PNN: variants seen among roughly 807,000 people sequenced by gnomAD.
PNN encodes pinin, desmosome associated protein, also known as pinin.
In PNN, 38 loss-of-function variants were observed where a neutral mutation model predicts 76.6. The ratio of observed to expected loss-of-function variants is 0.50; its 90% CI spans 0.38 to 0.65. The LOEUF (loss-of-function observed/expected upper bound fraction) is 0.65. Ranked by LOEUF, PNN falls within the 30% of genes least tolerant of loss-of-function variation. The probability of loss-of-function intolerance (pLI) is 0.00; values close to 1 mark genes in which losing one functional copy is unlikely to be tolerated. For missense variants in PNN, 873 were observed against 874.1 expected, an observed-to-expected ratio of 1.00 and a Z score of 0.02; for synonymous variants, 366 against 283.7, an observed-to-expected ratio of 1.29 and a Z score of -2.91.
rs2053268218 is a variant in PNN, at chr14:39,181,340, C to T, written c.1631C>T (p.Pro544Leu). ...SVKLTEVPVEPVLTVHPESKS... is the reference protein window; with the variant it reads ...SVKLTEVPVELVLTVHPESKS... ...AAACTCACTGAGGTACCAGTAGAGCCAGTCTTGACAGTACATCCAGAGAGC... is the reference window on the plus strand; with the variant it reads ...AAACTCACTGAGGTACCAGTAGAGCTAGTCTTGACAGTACATCCAGAGAGC... Residue 544 changes from proline (P) to leucine (L), a missense_variant, in exon 9 of 9, where the codon CCA becomes CTA. By Grantham distance (98) the Pro-to-Leu change is moderately conservative (BLOSUM62 -3). This residue lies in a region of PNN where 712 missense variants were observed against 693.1 expected (regional missense o/e 1.03). Coordinates refer to ENST00000216832, the MANE Select transcript of PNN (RefSeq NM_002687.4). 3.1e-6 allele frequency: 5 copies of T among 1,614,070 alleles called. No homozygotes were observed. The highest frequency in any genetic ancestry group is 4.2e-6 in the Non-Finnish European group (5 of 1,180,020).
chr14:39,181,291 A>G lies in PNN; in HGVS notation c.1582A>G (p.Lys528Glu), dbSNP rs778036843. Residue 528 changes from lysine to glutamate, a missense_variant, in exon 9 of 9, where the codon AAG (lysine) becomes GAG (glutamate). Lys to Glu is a moderately conservative substitution (Grantham distance 56). Transcript: ENST00000216832. The part of the protein sequence containing the change: ...QEQGHLLPER[K>E]DFPVESVKLT... ...GCAAGGGCATTTACTACCTGAGAGG[A>G]AGGATTTTCCTGTAGAGTCTGTAAA... 6.2e-7 allele frequency: 1 copy of G among 1,614,174 alleles called. No individual in the cohort carries two copies. The highest frequency in any genetic ancestry group is 8.5e-7 in the Non-Finnish European group (1 of 1,179,994).
At chr14:39,177,948 AT>A in intron 6 of PNN, 32 bp downstream of exon 6, 2 of 1,312,872 alleles carry the variant, frequency 1.5e-6, no homozygotes, top group Non-Finnish European at 2.2e-6. Flanking sequence ...TGCATCATAT[AT>A]TTAAGTTATC....
rs1372692771 is a variant in PNN, at chr14:39,182,080, G to A, written c.*217G>A. On this transcript the variant is annotated 3_prime_UTR_variant, in exon 9 of 9. Coordinates refer to ENST00000216832, the MANE Select transcript of PNN (RefSeq NM_002687.4). ...AAAATTATGTGAGGTTCCAAAATAT[G>A]TAAAAATGATAATAATAAAAAAAGA... is the stretch of plus-strand genomic sequence containing the variant. The A allele has an allele frequency of 4.6e-6, 2 of 438,216 alleles. No homozygotes were observed. The highest frequency in any genetic ancestry group is 8.0e-6 in the Non-Finnish European group (2 of 249,764). The allele number at this position is 438,216 out of a possible 1,614,324, so 27.1% of individuals were successfully genotyped here.
In PNN at chr14:39,181,414, A is replaced by C. The variant is rs376919494; in HGVS notation, c.1705A>C (p.Lys569Gln). ...RSRSRGRARN[K>Q]TSKSRSRSSS... is the part of the protein sequence containing the mutation. ...CAGAAGTAGAGGTCGAGCTAGAAAT[A>C]AAACAAGCAAGAGTAGAAGTCGAAG... The change falls in exon 9 of 9, where the codon AAA becomes CAA. Residue 569 changes from lysine to glutamine, a missense_variant. Coordinates refer to ENST00000216832, the MANE Select transcript of PNN (RefSeq NM_002687.4). 6.2e-7 allele frequency: 1 copy of C among 1,614,220 alleles called. No homozygotes were observed.
chr14:39,181,523 G>T lies in PNN; in HGVS notation c.1814G>T (p.Ser605Ile). Reference protein sequence around the residue: ...SSSSGSSSSRSSSSSSSSTSG... With the variant: ...SSSSGSSSSRISSSSSSSTSG... ...AGCAGTGGAAGTAGTAGCAGTCGCA[G>T]TAGTTCCAGTAGCAGCTCCAGTACA... Residue 605 changes from serine to isoleucine, a missense_variant, in exon 9 of 9, where the codon AGT becomes ATT. Transcript: ENST00000216832. 6.2e-7 allele frequency: 1 copy of T among 1,601,648 alleles called. No individual in the cohort carries two copies. The highest frequency in any genetic ancestry group is 8.5e-7 in the Non-Finnish European group (1 of 1,174,074).
chr14:39,178,983 A>G, intron 6 of PNN, 108 bp from the exon 7 acceptor site: 2 of 989,114 alleles, frequency 2.0e-6, no homozygotes, highest in Non-Finnish European at 3.0e-6. Context: ...TGTTTCACGT[A>G]ATTAGTATGT....
intron 1 of PNN, 135 bp from the exon 2 acceptor site, chr14:39,175,943 A>G (rs983201084): frequency 1.9e-5 from 12 of 624,568 alleles, no homozygotes; most frequent in African/African-American, 7.5e-5. Context: ...TGTTTCAGAC[A>G]TTTAGATTTA....
Position 39,177,908 on chromosome 14 carries a change from A to C in PNN, c.490A>C (p.Thr164Pro). ...QKFKQESTVA[T>P]ERQKRRQEIE... ...ATTTAAACAAGAATCCACTGTTGCT[A>C]CTGAAAGGGTATTTATCCAAGTTTT... Residue 164 changes from threonine (T) to proline (P), a missense_variant, in exon 6 of 9, where the codon ACT becomes CCT. This residue lies in a region of PNN where 712 missense variants were observed against 693.1 expected (regional missense o/e 1.03). Transcript: ENST00000216832. 6.3e-7 allele frequency: 1 copy of C among 1,596,896 alleles called. No homozygotes were observed. Among genetic ancestry groups the C allele is most frequent in the African/African-American group, 1.3e-5 (1 of 74,716 alleles).
rs767276167 is a variant in PNN, at chr14:39,180,917, A to G, written c.1208A>G (p.Gln403Arg). 6.2e-7 allele frequency: 1 copy of G among 1,614,182 alleles called. No homozygotes were observed. Among genetic ancestry groups the G allele is most frequent in the Admixed American group, 1.7e-5 (1 of 60,018 alleles). ...VENVKHVIAD[Q>R]EVMETNRVES... ...AATGTCAAACATGTAATTGCTGACC[A>G]GGAGGTAATGGAAACTAATCGAGTT... Residue 403 changes from glutamine (Q) to arginine (R), a missense_variant, in exon 9 of 9, where the codon CAG becomes CGG. Physicochemically the swap from Gln to Arg is conservative, Grantham distance 43 (BLOSUM62 1). This residue lies in a region of PNN where 712 missense variants were observed against 693.1 expected (regional missense o/e 1.03). Coordinates refer to ENST00000216832, the MANE Select transcript of PNN (RefSeq NM_002687.4).
intron 6 of PNN, 120 bp from the exon 7 acceptor site, chr14:39,178,971 A>G (rs751386148): frequency 5.6e-5 from 49 of 878,824 alleles, no homozygotes; most frequent in Non-Finnish European, 7.4e-5. Context: ...ACCTGCCTCT[A>G]ATGTTTCACG....
At position 39,179,437 on chromosome 14, in the gene PNN, A is replaced by G. The variant is rs1474333256; in HGVS notation, c.768A>G (p.Ile256Met). 3.7e-6 allele frequency: 6 copies of G among 1,612,772 alleles called. No individual in the cohort carries two copies. The highest frequency in any genetic ancestry group is 4.2e-6 in the Non-Finnish European group (5 of 1,179,398). The change falls in exon 8 of 9, where the codon ATA becomes ATG. Residue 256 changes from isoleucine to methionine, a missense_variant. Coordinates refer to ENST00000216832, the MANE Select transcript of PNN (RefSeq NM_002687.4). ...GRMCPATQKL[I>M]EESQRKMNAL... is the part of the protein sequence containing the mutation. Reference sequence around the variant, plus strand: ...TGTGTCCAGCTACCCAAAAACTAATAGAAGAGTCACAGAGAAAAATGAACG... The same window carrying G: ...TGTGTCCAGCTACCCAAAAACTAATGGAAGAGTCACAGAGAAAAATGAACG...
chr14:39,177,186 A>T (rs2053233313), intron 3 of PNN, among the ~76,000 whole-genome samples: 1 of 152,140 alleles, frequency 6.6e-6, no homozygotes, highest in South Asian at 2.1e-4. Context: ...GGAGTTGGAG[A>T]ACAGCCTAGA....
chr14:39,177,903 T>G lies in PNN; in HGVS notation c.485T>G (p.Val162Gly). Residue 162 changes from valine to glycine, a missense_variant, in exon 6 of 9, where the codon GTT (valine) becomes GGT (glycine). Coordinates refer to ENST00000216832, the MANE Select transcript of PNN (RefSeq NM_002687.4). ...CAAAAATTTAAACAAGAATCCACTG[T>G]TGCTACTGAAAGGGTATTTATCCAA... ...TLQKFKQEST[V>G]ATERQKRRQE... 1 of 1,602,896 alleles carries G rather than the reference T, an allele frequency of 6.2e-7. No individual in the cohort carries two copies. The highest frequency in any genetic ancestry group is 8.5e-7 in the Non-Finnish European group (1 of 1,170,054).
Position 39,180,601 on chromosome 14 carries a change from G to A in PNN, c.892G>A (p.Val298Met), listed in dbSNP as rs1441350868. 2 of 1,614,136 alleles carry A rather than the reference G, an allele frequency of 1.2e-6. No homozygotes were observed. The highest frequency in any genetic ancestry group is 1.7e-5 in the Admixed American group (1 of 60,002). Residue 298 changes from valine to methionine, a missense_variant, in exon 9 of 9, where the codon GTG becomes ATG. By Grantham distance (21) the Val-to-Met change is conservative. Coordinates refer to ENST00000216832, the MANE Select transcript of PNN (RefSeq NM_002687.4). ...QSMKEKEHQV[V>M]RNEEQKAEQE... ...AATGAAGGAAAAAGAGCATCAGGTG[G>A]TGCGTAATGAAGAACAGAAGGCGGA... is the stretch of plus-strand genomic sequence containing the variant.
At position 39,177,438 on chromosome 14, in the gene PNN, G is replaced by A; in HGVS notation, c.281G>A (p.Arg94Lys). Residue 94 changes from arginine (R) to lysine (K), a missense_variant, in exon 4 of 9, where the codon AGA (arginine) becomes AAA (lysine). Physicochemically the swap from Arg to Lys is conservative, Grantham distance 26 (BLOSUM62 2). Transcript: ENST00000216832. ...CTGGGCGGGGAGCGTCGGACCAGAAGAGAATCACGCCAGGAAAGCGACCCG... is the reference window on the plus strand; with the variant it reads ...CTGGGCGGGGAGCGTCGGACCAGAAAAGAATCACGCCAGGAAAGCGACCCG... ...SRLGGERRTR[R>K]ESRQESDPED... is the part of the protein sequence containing the mutation. The A allele has an allele frequency of 1.9e-6, 3 of 1,614,048 alleles. No homozygotes were observed. The highest frequency in any genetic ancestry group is 2.5e-6 in the Non-Finnish European group (3 of 1,179,960).
chr14:39,181,856 G>A lies in PNN; in HGVS notation c.2147G>A (p.Arg716Lys), dbSNP rs746127559. The change falls in exon 9 of 9, where the codon AGG becomes AAG. Residue 716 changes from arginine to lysine, a missense_variant. Physicochemically the swap from Arg to Lys is conservative, Grantham distance 26. Transcript: ENST00000216832. ...RDRKSDRKDK[R>K]R is the part of the protein sequence containing the mutation. ...CGAAAATCAGACAGGAAAGACAAAA[G>A]GCGTTAATGGAAGAAGCCAGGCTTT... 2 of 1,574,032 alleles carry A rather than the reference G, an allele frequency of 1.3e-6. No individual in the cohort carries two copies. Among genetic ancestry groups the A allele is most frequent in the Non-Finnish European group, 1.7e-6 (2 of 1,166,794 alleles).
At position 39,175,427 on chromosome 14, in the gene PNN, C is replaced by T. The variant is rs769457007; in HGVS notation, c.113+35C>T. ...TAACGGGAACTCGGAACTCGGAGCT[C>T]GGAGAGGCAGCCCTCAGGTCGGGGT... is the stretch of plus-strand genomic sequence containing the variant. On this transcript the variant is annotated intron_variant, in intron 1 of 8. Transcript: ENST00000216832. 9 of 1,315,882 alleles carry T rather than the reference C, an allele frequency of 6.8e-6. No individual in the cohort carries two copies. The South Asian group carries it at 1.1e-4, about 16-fold the overall frequency. 81.5% of individuals were successfully genotyped at this position (1,315,882 alleles called of 1,614,324 possible). A position where few individuals can be genotyped will look rare whatever the true frequency, so the allele number is the denominator to read the frequency against.
At chr14:39,178,806 C>G (rs2053249107) in intron 6 of PNN, among the ~76,000 whole-genome samples, 1 of 151,362 alleles carries the variant, frequency 6.6e-6, no homozygotes, top group Non-Finnish European at 1.5e-5. Context: ...GGCGTGATCT[C>G]AGCTCACTGC....
At chr14:39,179,588 TA>T (rs1486779621) in intron 8 of PNN, 126 bp downstream of exon 8, 7 of 766,702 alleles carry the variant, frequency 9.1e-6, no homozygotes, top group Non-Finnish European at 1.2e-5. Flanking sequence ...TTTTTTTTTT[TA>T]AATAAGATAA....
Sources: allele counts gnomAD v4.1 joint callset (sites outside exome capture counted in the v4.1 genomes callset), GRCh38; gene constraint gnomAD v4.1.1; regional missense constraint gnomAD v4.1.1; transcripts MANE v1.5; gene names NCBI Gene and HGNC (gene_info 2026-07-23, HGNC 2026-07-21).